Variants in PIWIL2 observed in about 807,000 individuals in gnomAD.
PIWIL2 encodes the protein piwi-like protein 2.
A neutral mutation model predicts 116.5 loss-of-function variants in PIWIL2; 81 were observed. That is an observed-to-expected ratio of 0.70 (90% confidence interval 0.58 to 0.84). The LOEUF (loss-of-function observed/expected upper bound fraction) is 0.84, where lower values mean the gene tolerates loss of function less well. Among genes scored for constraint, PIWIL2 ranks in the 40% least tolerant of loss-of-function variants. The probability of loss-of-function intolerance (pLI) is 0.00; values close to 1 mark genes in which losing one functional copy is unlikely to be tolerated. For synonymous variants in PIWIL2, 489 were observed against 429.5 expected (o/e 1.14, Z -1.71); for missense variants, 1,272 against 1,212.3 (o/e 1.05, Z -0.73).
intron 10 of PIWIL2, among the ~76,000 whole-genome samples, chr8:22,295,916 C>T (rs190282367): frequency 9.4e-4 from 143 of 151,498 alleles, no homozygotes; most frequent in Non-Finnish European, 1.6e-3. Context: ...CTACTGAATT[C>T]AATACCATCT....
At chr8:22,311,458 G>A (rs1267481265) in intron 16 of PIWIL2, among the ~76,000 whole-genome samples, 158 bp downstream of exon 16, 1 of 152,166 alleles carries the variant, frequency 6.6e-6, no homozygotes, top group Non-Finnish European at 1.5e-5. Flanking sequence ...TGTTCTTTAT[G>A]CCCTTTGGTT....
At chr8:22,295,457 A>C (rs553784708) in intron 10 of PIWIL2, among the ~76,000 whole-genome samples, 1 of 152,036 alleles carries the variant, frequency 6.6e-6, no homozygotes. Flanking sequence ...TGTCAGTTTC[A>C]TTCCCCTCCC....
chr8:22,301,996 A>T (rs997494935), intron 10 of PIWIL2, among the ~76,000 whole-genome samples: 1 of 152,110 alleles, frequency 6.6e-6, no homozygotes, highest in Non-Finnish European at 1.5e-5. Flanking sequence ...CATTAGCTAC[A>T]GTCCCTGATT....
intron 8 of PIWIL2, among the ~76,000 whole-genome samples, chr8:22,289,298 A>G (rs772563300): frequency 5.9e-5 from 9 of 152,006 alleles, no homozygotes; most frequent in Non-Finnish European, 1.0e-4. Context: ...GATTACAGGC[A>G]TGCGCTGCCA....
At chr8:22,290,009 A>G (rs893527666) in intron 9 of PIWIL2, 82 bp downstream of exon 9, 2 of 913,912 alleles carry the variant, frequency 2.2e-6, no homozygotes, top group Non-Finnish European at 3.6e-6. Flanking sequence ...TAGTACTATA[A>G]TGTCAGCAGT....
chr8:22,314,564 T>A, intron 17 of PIWIL2, 135 bp downstream of exon 17: 1 of 457,502 alleles, frequency 2.2e-6, no homozygotes, highest in Non-Finnish European at 3.9e-6. Context: ...TGGTGAAAGG[T>A]TCTCCTGATT....
At chr8:22,290,131 A>C in intron 9 of PIWIL2, 102 bp from the exon 10 acceptor site, 1 of 745,812 alleles carries the variant, frequency 1.3e-6, no homozygotes, top group Admixed American at 2.6e-5. Context: ...TCTCATTACT[A>C]TTAGGGAAGG....
chr8:22,310,160 T>G, intron 15 of PIWIL2, 86 bp downstream of exon 15: 3 of 713,406 alleles, frequency 4.2e-6, no homozygotes, highest in Non-Finnish European at 7.3e-6. Context: ...AGAGTCTTCT[T>G]TTTTGAGGGA....
chr8:22,298,515 A>G (rs1830968078), intron 10 of PIWIL2, among the ~76,000 whole-genome samples: 1 of 152,152 alleles, frequency 6.6e-6, no homozygotes, highest in African/African-American at 2.4e-5. Flanking sequence ...CACACCTCAG[A>G]TGGTTGTTGG....
At chr8:22,300,777 A>C (rs1429833197) in intron 10 of PIWIL2, among the ~76,000 whole-genome samples, 1 of 152,102 alleles carries the variant, frequency 6.6e-6, no homozygotes, top group Non-Finnish European at 1.5e-5. Flanking sequence ...TCCTGTGTGT[A>C]CTTCCCATTC....
At chr8:22,300,102 AT>A (rs201369376) in intron 10 of PIWIL2, among the ~76,000 whole-genome samples, 4 of 151,396 alleles carry the variant, frequency 2.6e-5, no homozygotes, top group East Asian at 1.9e-4. Flanking sequence ...ATATAAAAAC[AT>A]TTTTTTTAAT....
intron 20 of PIWIL2, among the ~76,000 whole-genome samples, chr8:22,351,314 A>G (rs534150348): frequency 1.3e-5 from 2 of 149,632 alleles, no homozygotes; most frequent in African/African-American, 4.9e-5. Context: ...TGAGACCTCA[A>G]TTCTTAAAAA....
chr8:22,310,946 C>T (rs1193820478), intron 15 of PIWIL2, among the ~76,000 whole-genome samples, 166 bp from the exon 16 acceptor site: 1 of 152,110 alleles, frequency 6.6e-6, no homozygotes, highest in Non-Finnish European at 1.5e-5. Context: ...TTTGAGACTA[C>T]GCCACAGTTT....
At chr8:22,279,316 C>A in intron 1 of PIWIL2, 25 bp from the exon 2 acceptor site, 1 of 1,217,040 alleles carries the variant, frequency 8.2e-7, no homozygotes. Context: ...AATTGGGAAT[C>A]TTAATCTTTT....
chr8:22,313,719 A>G (rs1175295993), intron 16 of PIWIL2, among the ~76,000 whole-genome samples: 1 of 152,166 alleles, frequency 6.6e-6, no homozygotes, highest in Non-Finnish European at 1.5e-5. Context: ...CAGGCTTTGA[A>G]AGGTCCTCTT....
At chr8:22,347,339 C>T (rs978798297) in intron 20 of PIWIL2, among the ~76,000 whole-genome samples, 7 of 151,378 alleles carry the variant, frequency 4.6e-5, no homozygotes, top group South Asian at 2.1e-4. Context: ...CTCAGCCTCC[C>T]GAGTAGCTGG....
Position 22,346,452 on chromosome 8 carries a change from A to G in PIWIL2, c.2404-6507A>G, listed in dbSNP as rs940583751. ...TGGGATGCATCTAAGGCCTTCGCAA[A>G]CTACATGTTTTCATATTTTGCCCAG... is the stretch of plus-strand genomic sequence containing the variant. On this transcript the variant is annotated intron_variant, in intron 20 of 22. Transcript: ENST00000356766. 1.2e-4 allele frequency among the ~76,000 whole-genome samples: 18 copies of G among 152,098 alleles called. No individual in the cohort carries two copies. The South Asian group carries it at 1.2e-3, about 11-fold the overall frequency.
chr8:22,311,618 C>T (rs538898195), intron 16 of PIWIL2, among the ~76,000 whole-genome samples: 27 of 152,262 alleles, frequency 1.8e-4, no homozygotes, highest in Non-Finnish European at 3.5e-4. Flanking sequence ...GGTTAGGTGC[C>T]GTCTTGCACG....
intron 20 of PIWIL2, among the ~76,000 whole-genome samples, chr8:22,333,850 G>A (rs760969898): frequency 7.4e-4 from 113 of 151,918 alleles, no homozygotes; most frequent in Non-Finnish European, 1.3e-3. Flanking sequence ...ACCTTAATTC[G>A]GTGAATTGTA....
Sources: allele counts gnomAD v4.1 joint callset (sites outside exome capture counted in the v4.1 genomes callset), GRCh38; gene constraint gnomAD v4.1.1; transcripts MANE v1.5; gene names NCBI Gene and HGNC (gene_info 2026-07-23, HGNC 2026-07-21).